Variants in PPP3R1 observed in about 807,000 individuals in gnomAD.
PPP3R1 encodes calcineurin subunit B type 1.
PPP3R1 carries 5 observed loss-of-function variants against 22.6 expected under a neutral mutation model. That is an observed-to-expected ratio of 0.22 (90% CI 0.12 to 0.46). PPP3R1 has a LOEUF of 0.46. Among genes scored for constraint, PPP3R1 ranks in the 20% least tolerant of loss-of-function variants. The pLI is 0.99. For missense variants in PPP3R1, 61 were observed against 203.2 expected (o/e 0.30, Z 4.25); for synonymous variants, 56 against 65.2 (o/e 0.86, Z 0.68).
intron 1 of PPP3R1, among the ~76,000 whole-genome samples, chr2:68,249,672 G>A (rs1439391896): frequency 2.7e-5 from 4 of 149,128 alleles, no homozygotes; most frequent in African/African-American, 7.4e-5. Context: ...CTCCCTGGAC[G>A]CTTAACAATT....
chr2:68,225,039 GACAC>G (rs1003561321), intron 1 of PPP3R1, among the ~76,000 whole-genome samples: 2 of 152,286 alleles, frequency 1.3e-5, no homozygotes, highest in Middle Eastern at 3.4e-3. Flanking sequence ...TTTAAAAATG[GACAC>G]ACAAAGTGTA....
At chr2:68,191,200 A>C (rs541380810) in intron 2 of PPP3R1, among the ~76,000 whole-genome samples, 1 of 152,322 alleles carries the variant, frequency 6.6e-6, no homozygotes, top group Non-Finnish European at 1.5e-5. Flanking sequence ...AGATTTCATC[A>C]TTGTATGAAC....
chr2:68,236,888 T>TA (rs1275306417), intron 1 of PPP3R1, among the ~76,000 whole-genome samples: 1 of 152,070 alleles, frequency 6.6e-6, no homozygotes, highest in Non-Finnish European at 1.5e-5. Flanking sequence ...TTTTGCTCCC[T>TA]AATAAGTACT....
chr2:68,213,475 T>C (rs1182708668), intron 2 of PPP3R1, among the ~76,000 whole-genome samples: 2 of 152,174 alleles, frequency 1.3e-5, no homozygotes, highest in Non-Finnish European at 2.9e-5. Flanking sequence ...GTTCACCATC[T>C]TACATGGACA....
At position 68,179,658 on chromosome 2, in the gene PPP3R1, G is replaced by A. The variant is rs1674360591; in HGVS notation, c.*1305C>T. ...CCTTTGCAGAAATGGGAAGGGATAA[G>A]ATCAAACAGTAGAACATGATACACT... On this transcript the variant is annotated 3_prime_UTR_variant, in exon 6 of 6. Transcript: ENST00000234310. 6.6e-6 allele frequency: 1 copy of A among 152,054 alleles called. No individual in the cohort carries two copies. The highest frequency in any genetic ancestry group is 6.5e-5 in the Admixed American group (1 of 15,270). The allele number at this position is 152,054 out of a possible 1,614,324, so 9.4% of individuals were successfully genotyped here.
chr2:68,192,003 C>T (rs1363123631), intron 2 of PPP3R1, among the ~76,000 whole-genome samples: 2 of 152,120 alleles, frequency 1.3e-5, no homozygotes, highest in Non-Finnish European at 2.9e-5. Context: ...GTGCTCTGAG[C>T]ATCACATATA....
In PPP3R1 at chr2:68,235,573, A is replaced by G. The variant is rs186952592; in HGVS notation, c.3+16552T>C. On this transcript the variant is annotated intron_variant, in intron 1 of 5. Transcript: ENST00000234310. ...TTTTACTAATGAACATTTCATTCGT[A>G]TGAACATACCATATTTATCGATTCA... 1.3e-3 allele frequency among the ~76,000 whole-genome samples: 205 copies of G among 152,342 alleles called. 1 individual carries two copies. The highest frequency in any genetic ancestry group is 4.7e-3 in the African/African-American group (195 of 41,584).
In PPP3R1 at chr2:68,198,668, G is replaced by A. The variant is rs139344284; in HGVS notation, c.44-9978C>T. Among the ~76,000 whole-genome samples the A allele has an allele frequency of 2.1e-3, 318 of 151,868 alleles. 1 individual carries two copies. The highest frequency in any genetic ancestry group is 3.8e-3 in the Admixed American group (58 of 15,256). On this transcript the variant is annotated intron_variant, in intron 2 of 5. Coordinates refer to ENST00000234310, the MANE Select transcript of PPP3R1 (RefSeq NM_000945.4). The stretch of plus-strand genomic sequence containing the variant: ...TAAAATGCTGACTCTTCTAAGACCC[G>A]TGCATTTCCACATGGAATTAACCAT...
At position 68,226,267 on chromosome 2, in the gene PPP3R1, T is replaced by C. The variant is rs1330598467; in HGVS notation, c.4-9136A>G. 2.6e-5 allele frequency among the ~76,000 whole-genome samples: 4 copies of C among 152,282 alleles called. No homozygotes were observed. In the East Asian group the frequency reaches 7.7e-4, roughly 29 times the overall value. Reference sequence around the variant, plus strand: ...TGTGGTGATTACAAAACTATATACATTTATCAAGGCACATTAACTATGCAC... The same window carrying C: ...TGTGGTGATTACAAAACTATATACACTTATCAAGGCACATTAACTATGCAC... On this transcript the variant is annotated intron_variant, in intron 1 of 5. Transcript: ENST00000234310.
At chr2:68,232,223 ATG>A (rs76815812) in intron 1 of PPP3R1, among the ~76,000 whole-genome samples, 2,390 of 45,692 alleles carry the variant, frequency 0.052, 31 homozygotes, top group Admixed American at 0.089. Context: ...ATATGTATAT[ATG>A]TGTGTGTGTG....
intron 2 of PPP3R1, among the ~76,000 whole-genome samples, chr2:68,211,250 CA>C (rs1669476957): frequency 6.6e-6 from 1 of 151,738 alleles, no homozygotes; most frequent in East Asian, 1.9e-4. Flanking sequence ...ACTAAAAATA[CA>C]AAAAAATTAG....
At chr2:68,204,291 C>T (rs1173527181) in intron 2 of PPP3R1, among the ~76,000 whole-genome samples, 1 of 151,050 alleles carries the variant, frequency 6.6e-6, no homozygotes, top group Non-Finnish European at 1.5e-5. Context: ...CAATAAAAAT[C>T]CAACACTGAA....
At position 68,180,917 on chromosome 2, in the gene PPP3R1, G is replaced by A. The variant is rs1674387168; in HGVS notation, c.*46C>T. On this transcript the variant is annotated 3_prime_UTR_variant, in exon 6 of 6. Coordinates refer to ENST00000234310, the MANE Select transcript of PPP3R1 (RefSeq NM_000945.4). ...TGGACGTCTTGAGCAGATCTTCAGAGATGGAGAAGAAAGCAAAAGTGTTGG... is the reference window on the plus strand; with the variant it reads ...TGGACGTCTTGAGCAGATCTTCAGAAATGGAGAAGAAAGCAAAAGTGTTGG... 6.5e-7 allele frequency: 1 copy of A among 1,546,764 alleles called. No homozygotes were observed. Among genetic ancestry groups the A allele is most frequent in the Non-Finnish European group, 8.9e-7 (1 of 1,119,970 alleles).
intron 2 of PPP3R1, among the ~76,000 whole-genome samples, chr2:68,211,845 T>C (rs1669493634): frequency 6.6e-6 from 1 of 152,210 alleles, no homozygotes; most frequent in African/African-American, 2.4e-5. Context: ...GTTCAAGTTC[T>C]ATCATGAGAT....
intron 2 of PPP3R1, among the ~76,000 whole-genome samples, chr2:68,205,754 G>A (rs1675107014): frequency 6.6e-6 from 1 of 152,096 alleles, no homozygotes; most frequent in Non-Finnish European, 1.5e-5. Context: ...AGTTATAGCA[G>A]CCGAAAGCCA....
intron 2 of PPP3R1, among the ~76,000 whole-genome samples, chr2:68,215,899 T>C (rs1233821067): frequency 6.6e-6 from 1 of 152,180 alleles, no homozygotes; most frequent in Non-Finnish European, 1.5e-5. Flanking sequence ...ACTTAAGAAC[T>C]ACTAAGTCCT....
chr2:68,181,397 A>C (rs1349021684), intron 5 of PPP3R1, among the ~76,000 whole-genome samples: 1 of 151,786 alleles, frequency 6.6e-6, no homozygotes, highest in Non-Finnish European at 1.5e-5. Flanking sequence ...CATCTCAAAA[A>C]AAAAAAAAAA....
intron 2 of PPP3R1, among the ~76,000 whole-genome samples, chr2:68,196,638 C>A (rs1572955597): frequency 6.6e-6 from 1 of 152,082 alleles, no homozygotes; most frequent in East Asian, 1.9e-4. Flanking sequence ...TCCTAGATTT[C>A]TTACATACTT....
intron 2 of PPP3R1, among the ~76,000 whole-genome samples, chr2:68,216,461 T>C (rs1457676885): frequency 6.6e-6 from 1 of 150,818 alleles, no homozygotes. Flanking sequence ...GTTCAAAAAA[T>C]AAAAAAATTA....
Sources: allele counts gnomAD v4.1 joint callset (sites outside exome capture counted in the v4.1 genomes callset), GRCh38; gene constraint gnomAD v4.1.1; transcripts MANE v1.5; gene names NCBI Gene and HGNC (gene_info 2026-07-23, HGNC 2026-07-21).